The following PRELID2 variants were observed in gnomAD, a reference collection of about 807,000 sequenced individuals.
The protein encoded by PRELID2 is PRELI domain-containing protein 2.
In PRELID2, 25 loss-of-function variants were observed where a neutral mutation model predicts 28.4. The ratio of observed to expected loss-of-function variants is 0.88; its 90% confidence interval spans 0.64 to 1.23. The LOEUF (loss-of-function observed/expected upper bound fraction) is 1.23, where lower values mean the gene tolerates loss of function less well. PRELID2 is among the 50% of genes most tolerant of loss of function. The pLI, the probability that PRELID2 is intolerant of heterozygous loss-of-function variation, is 0.00. For synonymous variants in PRELID2, 76 were observed against 71.6 expected (o/e 1.06, Z -0.31); for missense variants, 201 against 214.4 (o/e 0.94, Z 0.39).
intron 1 of PRELID2, among the ~76,000 whole-genome samples, chr5:145,713,767 G>C (rs1245325091): frequency 6.9e-6 from 1 of 145,578 alleles, no homozygotes; most frequent in African/African-American, 2.5e-5. Flanking sequence ...ATATATGCCA[G>C]AAGACAATGG....
At chr5:145,559,583 T>G (rs568599361) in intron 1 of PRELID2, among the ~76,000 whole-genome samples, 18 of 152,302 alleles carry the variant, frequency 1.2e-4, no homozygotes, top group African/African-American at 4.3e-4. Context: ...CATCCACTTC[T>G]TTCTCATCCC....
chr5:145,435,727 G>T, the PRELID2 span, among the ~76,000 whole-genome samples: 1 of 152,046 alleles, frequency 6.6e-6, no homozygotes, highest in East Asian at 1.9e-4. Flanking sequence ...TTTCCCATTT[G>T]GTGGAAATAA....
At chr5:145,767,566 G>C (rs1232786312) in intron 5 of PRELID2, among the ~76,000 whole-genome samples, 1 of 152,142 alleles carries the variant, frequency 6.6e-6, no homozygotes, top group Non-Finnish European at 1.5e-5. Flanking sequence ...GGGGTTCTGA[G>C]GGTCAAAGGC....
chr5:145,293,943 C>G, the PRELID2 span, among the ~76,000 whole-genome samples: 1 of 152,150 alleles, frequency 6.6e-6, no homozygotes, highest in African/African-American at 2.4e-5. Flanking sequence ...GATTGGCCAC[C>G]TATGCCCAAT....
chr5:145,460,912 T>C, the PRELID2 span, among the ~76,000 whole-genome samples: 1 of 152,242 alleles, frequency 6.6e-6, no homozygotes, highest in Non-Finnish European at 1.5e-5. Context: ...ACTAGAAATG[T>C]ATTCTTAGTG....
the PRELID2 span, among the ~76,000 whole-genome samples, chr5:145,387,895 C>T: frequency 1.0e-4 from 15 of 148,802 alleles, no homozygotes; most frequent in African/African-American, 3.5e-4. Flanking sequence ...CACTGCACTC[C>T]AGCCTAGGCA....
intron 1 of PRELID2, among the ~76,000 whole-genome samples, chr5:145,516,325 C>A (rs1230179656): frequency 1.3e-5 from 2 of 152,166 alleles, no homozygotes; most frequent in African/African-American, 4.8e-5. Flanking sequence ...GCAAAAATCA[C>A]AAACATTTCT....
At chr5:145,519,492 G>C (rs1752545602) in intron 1 of PRELID2, among the ~76,000 whole-genome samples, 2 of 152,122 alleles carry the variant, frequency 1.3e-5, no homozygotes, top group South Asian at 2.1e-4. Flanking sequence ...GTTTTCCTCT[G>C]ATAGTCACTT....
chr5:145,799,337 C>T (rs1752978573), intron 4 of PRELID2, among the ~76,000 whole-genome samples: 1 of 151,982 alleles, frequency 6.6e-6, no homozygotes, highest in Non-Finnish European at 1.5e-5. Context: ...TAAGGCAGCT[C>T]ATCACCACTA....
chr5:145,779,754 T>C, intron 5 of PRELID2, among the ~76,000 whole-genome samples: 1 of 152,118 alleles, frequency 6.6e-6, no homozygotes, highest in East Asian at 1.9e-4. Context: ...TATATAGTAT[T>C]ATTCATATTT....
At chr5:145,582,256 T>C (rs527482071) in intron 1 of PRELID2, among the ~76,000 whole-genome samples, 74 of 152,164 alleles carry the variant, frequency 4.9e-4, no homozygotes, top group African/African-American at 1.7e-3. Context: ...AAGAGGTTTA[T>C]TGACTCACAG....
the PRELID2 span, among the ~76,000 whole-genome samples, chr5:145,325,691 T>A: frequency 6.6e-6 from 1 of 152,200 alleles, no homozygotes; most frequent in African/African-American, 2.4e-5. Flanking sequence ...AACTTTGGTC[T>A]TCTAACCTTA....
intron 1 of PRELID2, among the ~76,000 whole-genome samples, chr5:145,715,495 A>G (rs1450219048): frequency 6.6e-6 from 1 of 152,170 alleles, no homozygotes; most frequent in African/African-American, 2.4e-5. Context: ...TTTGGAACTT[A>G]AATCCAATCA....
intron 1 of PRELID2, among the ~76,000 whole-genome samples, chr5:145,722,216 G>C (rs552467718): frequency 6.6e-6 from 1 of 152,116 alleles, no homozygotes; most frequent in African/African-American, 2.4e-5. Context: ...ACAAGGAGAA[G>C]AAATATTACC....
intron 1 of PRELID2, among the ~76,000 whole-genome samples, chr5:145,600,103 A>G (rs1025995701): frequency 8.3e-5 from 12 of 144,470 alleles, no homozygotes; most frequent in African/African-American, 3.3e-4. Flanking sequence ...CTAAATAGCC[A>G]GAAGAAAAAG....
chr5:145,399,298 C>T, the PRELID2 span, among the ~76,000 whole-genome samples: 2 of 152,176 alleles, frequency 1.3e-5, no homozygotes, highest in African/African-American at 4.8e-5. Context: ...ATCAAAGCCA[C>T]TCCTGGTTAA....
intron 1 of PRELID2, among the ~76,000 whole-genome samples, chr5:145,832,364 T>C (rs2149893489): frequency 6.6e-6 from 1 of 152,226 alleles, no homozygotes; most frequent in East Asian, 1.9e-4. Flanking sequence ...TTTGTATTTT[T>C]GGTAGAGATG....
chr5:145,254,909 T>A, the PRELID2 span, among the ~76,000 whole-genome samples: 1 of 144,874 alleles, frequency 6.9e-6, no homozygotes. Context: ...GAACCCAAAC[T>A]CTGAATTAAA....
intron 1 of PRELID2, among the ~76,000 whole-genome samples, chr5:145,543,980 T>C (rs1446227548): frequency 6.6e-6 from 1 of 152,036 alleles, no homozygotes; most frequent in African/African-American, 2.4e-5. Flanking sequence ...GAGGTGACAG[T>C]GAGATCGACT....
Sources: allele counts gnomAD v4.1 joint callset (sites outside exome capture counted in the v4.1 genomes callset), GRCh38; gene constraint gnomAD v4.1.1; transcripts MANE v1.5; gene names NCBI Gene and HGNC (gene_info 2026-07-23, HGNC 2026-07-21).